Variants in KLHL13 observed in about 807,000 individuals in gnomAD.
KLHL13 encodes the protein kelch like family member 13.
In KLHL13, 10 loss-of-function variants were observed where a neutral mutation model predicts 37.1. The ratio of observed to expected loss-of-function variants is 0.27; its 90% CI spans 0.17 to 0.46. KLHL13 has a LOEUF of 0.46. KLHL13 is among the 20% of genes least tolerant of loss of function. The pLI is 1.00. For synonymous variants in KLHL13, 163 were observed against 181.2 expected, an observed-to-expected ratio of 0.90 and a Z score of 0.81; for missense variants, 360 against 509.3, an observed-to-expected ratio of 0.71 and a Z score of 2.82.
chrX:118,028,041 T>C (rs1426705081), intron 1 of KLHL13, among the ~76,000 whole-genome samples: 1 of 111,948 alleles, frequency 8.9e-6, no homozygotes, highest in Non-Finnish European at 1.9e-5. Context: ...AATATAAATA[T>C]ATACAATCAC....
intron 1 of KLHL13, among the ~76,000 whole-genome samples, chrX:118,061,701 T>A: frequency 9.0e-6 from 1 of 111,532 alleles, no homozygotes; most frequent in Non-Finnish European, 1.9e-5. Context: ...CTGCAAAAAA[T>A]GGCAGAGGAT....
intron 1 of KLHL13, among the ~76,000 whole-genome samples, chrX:118,048,055 T>C (rs2054577381): frequency 9.0e-6 from 1 of 110,839 alleles, no homozygotes; most frequent in Admixed American, 9.6e-5. Context: ...TGTGGAGTAA[T>C]GGAGATGAGC....
Position 117,985,447 on chromosome X carries a change from T to TAAAAAAA in KLHL13, c.-55-39879_-55-39873dup, listed in dbSNP as rs555339137. 59 of 609,372 alleles carry TAAAAAAA rather than the reference T, an allele frequency of 9.7e-5. 1 individual carries two copies. In the African/African-American group the frequency reaches 1.4e-3, roughly 15 times the overall value. 50.2% of individuals were successfully genotyped at this position (609,372 alleles called of 1,213,427 possible). ...AAAGCAGAAACAGGCTTTATATATT[T>TAAAAAAA]AAAAAAAAAAAAAAAAACCTATGTA... On this transcript the variant is annotated intron_variant, in intron 1 of 6. Coordinates refer to the KLHL13 transcript ENST00000371882.
At chrX:118,064,160 T>C (rs2054771303) in intron 1 of KLHL13, among the ~76,000 whole-genome samples, 1 of 111,982 alleles carries the variant, frequency 8.9e-6, no homozygotes, top group African/African-American at 3.2e-5. Flanking sequence ...TTTATGTAAC[T>C]ATTACATAAA....
intron 2 of KLHL13, among the ~76,000 whole-genome samples, chrX:117,927,671 T>A (rs1202019443): frequency 1.8e-5 from 2 of 112,234 alleles, no homozygotes; most frequent in African/African-American, 6.5e-5. Context: ...ACTATTGACA[T>A]AGACAACAAA....
intron 1 of KLHL13, among the ~76,000 whole-genome samples, chrX:118,036,475 A>G (rs751008815): frequency 0.089 from 9,947 of 111,157 alleles, 451 homozygotes; most frequent in African/African-American, 0.16. Context: ...CTAACCGGAG[A>G]AAAACAAGAA....
At chrX:117,966,588 G>A (rs2053436177) in intron 1 of KLHL13, among the ~76,000 whole-genome samples, 1 of 111,285 alleles carries the variant, frequency 9.0e-6, no homozygotes, top group South Asian at 3.9e-4. Flanking sequence ...CCAAAAAGGA[G>A]CCCACATTGC....
intron 1 of KLHL13, among the ~76,000 whole-genome samples, chrX:118,067,879 T>A (rs2054811417): frequency 8.9e-6 from 1 of 111,842 alleles, no homozygotes; most frequent in Non-Finnish European, 1.9e-5. Context: ...TACTCTAAAA[T>A]AACAATAGAA....
rs866681121 is a variant in KLHL13, at chrX:118,010,498, C to G, written c.-55-64923G>C. Among the ~76,000 whole-genome samples, 46 of 69,318 alleles carry G rather than the reference C, an allele frequency of 6.6e-4. No homozygotes were observed. The Middle Eastern group carries it at 0.019, about 29-fold the overall frequency. 60.2% of individuals were successfully genotyped at this position (69,318 alleles called of 115,157 possible). A position where few individuals can be genotyped will look rare whatever the true frequency, so the allele number is the denominator to read the frequency against. ...AGTAAACTATCGCAAGAACAAAAAA[C>G]CAAACACCGCATATTCTCACTCATA... On this transcript the variant is annotated intron_variant, in intron 1 of 6. Coordinates refer to the KLHL13 transcript ENST00000371882.
intron 1 of KLHL13, among the ~76,000 whole-genome samples, chrX:118,035,716 C>G (rs1015037757): frequency 1.8e-5 from 2 of 110,617 alleles, no homozygotes; most frequent in African/African-American, 6.7e-5. Flanking sequence ...CACTCCTATT[C>G]AACATAGTAT....
chrX:117,915,815 T>C lies in KLHL13; in HGVS notation c.570+3706A>G, dbSNP rs183208302. Among the ~76,000 whole-genome samples the C allele has an allele frequency of 1.1e-3, 129 of 112,359 alleles. 1 individual carries two copies. The highest frequency in any genetic ancestry group is 4.1e-3 in the African/African-American group (126 of 31,023). ...TGGGGCAAATGCTAGATGCTAAAAA[T>C]TTCAAATTGCAAACAAAGGATAAAC... On this transcript the variant is annotated intron_variant, in intron 4 of 6. Coordinates refer to ENST00000262820, the Ensembl canonical transcript of KLHL13.
At chrX:118,018,287 C>G (rs1324410824) in intron 1 of KLHL13, among the ~76,000 whole-genome samples, 1 of 111,524 alleles carries the variant, frequency 9.0e-6, no homozygotes, top group African/African-American at 3.3e-5. Context: ...TATTTATTAT[C>G]TGACCACACC....
chrX:118,086,596 T>C (rs2055057129), intron 1 of KLHL13, among the ~76,000 whole-genome samples: 1 of 112,252 alleles, frequency 8.9e-6, no homozygotes, highest in East Asian at 2.8e-4. Context: ...ATATTTATAA[T>C]ATAAAGTTTT....
chrX:117,940,527 G>A (rs1395630979), intron 2 of KLHL13, among the ~76,000 whole-genome samples: 2 of 111,363 alleles, frequency 1.8e-5, no homozygotes, highest in African/African-American at 6.5e-5. Context: ...TATAAATTAC[G>A]TTGGGCAGTA....
intron 1 of KLHL13, among the ~76,000 whole-genome samples, chrX:118,052,349 TAA>T (rs35585378): frequency 0.011 from 975 of 86,147 alleles, 9 homozygotes; most frequent in Non-Finnish European, 0.016. Flanking sequence ...CCGTCTCTAC[TAA>T]AAAAAAAAAA....
chrX:118,004,581 A>G (rs1299711827), intron 1 of KLHL13, among the ~76,000 whole-genome samples: 1 of 112,256 alleles, frequency 8.9e-6, no homozygotes, highest in Non-Finnish European at 1.9e-5. Context: ...ACCATTTGGC[A>G]TCAAAATAAA....
At position 118,111,344 on chromosome X, in the gene KLHL13, T is replaced by A. The variant is rs1002554651; in HGVS notation, c.-56+5164A>T. Among the ~76,000 whole-genome samples the A allele has an allele frequency of 5.3e-5, 6 of 113,232 alleles. No individual in the cohort carries two copies. In the East Asian group the frequency reaches 1.7e-3, roughly 31 times the overall value. ...GATCAACATTAAGTAGAATAAAGAC[T>A]ATAAATACCCTATGTCAGTTTAAGT... On this transcript the variant is annotated intron_variant, in intron 1 of 6. Transcript: ENST00000371882.
At chrX:118,001,183 C>T (rs956243571) in intron 1 of KLHL13, among the ~76,000 whole-genome samples, 1 of 111,845 alleles carries the variant, frequency 8.9e-6, no homozygotes, top group Middle Eastern at 4.2e-3. Context: ...CATGAACTAA[C>T]TGGCATCTGG....
intron 4 of KLHL13, among the ~76,000 whole-genome samples, chrX:117,913,630 G>A (rs1349533536): frequency 6.3e-5 from 7 of 111,793 alleles, no homozygotes; most frequent in African/African-American, 1.9e-4. Flanking sequence ...TGGATCATGA[G>A]GTCAGGAGAT....
Sources: allele counts gnomAD v4.1 joint callset (sites outside exome capture counted in the v4.1 genomes callset), GRCh38; gene constraint gnomAD v4.1.1; transcripts MANE v1.5; gene names NCBI Gene and HGNC (gene_info 2026-07-23, HGNC 2026-07-21).